ZGRF1: variants seen among roughly 807,000 people sequenced by gnomAD.
The protein encoded by ZGRF1 is 5'-3' DNA helicase ZGRF1.
Under a neutral mutation model 203.5 loss-of-function variants are expected in ZGRF1, and 196 were observed. The observed-to-expected ratio is 0.96, with a 90% CI of 0.86 to 1.08. ZGRF1 has a LOEUF of 1.08. Ranked by LOEUF, ZGRF1 falls within the 50% of genes least tolerant of loss-of-function variation. The pLI, the probability that ZGRF1 is intolerant of heterozygous loss-of-function variation, is 0.00. For missense variants in ZGRF1, 2,326 were observed against 2,416.3 expected (o/e 0.96, Z 0.78); for synonymous variants, 809 against 841.3 (o/e 0.96, Z 0.66).
At chr4:112,620,221 T>C in intron 4 of ZGRF1, 31 bp from the exon 5 acceptor site, 1 of 1,551,190 alleles carries the variant, frequency 6.4e-7, no homozygotes, top group Non-Finnish European at 8.8e-7. Context: ...ATCACATACA[T>C]CTAATTATTT....
At chr4:112,582,033 C>G (rs760979174) in intron 15 of ZGRF1, among the ~76,000 whole-genome samples, 3 of 151,982 alleles carry the variant, frequency 2.0e-5, no homozygotes, top group Non-Finnish European at 4.4e-5. Context: ...GATAGAACAC[C>G]TCGTGTGCTT....
At chr4:112,627,498 T>TAAA (rs1241006268) in intron 3 of ZGRF1, among the ~76,000 whole-genome samples, 3 of 152,180 alleles carry the variant, frequency 2.0e-5, no homozygotes, top group African/African-American at 7.2e-5. Context: ...CCCAGCACTT[T>TAAA]AAGAGGCCGA....
intron 16 of ZGRF1, 35 bp from the exon 17 acceptor site, chr4:112,563,309 C>A (rs1274786053): frequency 6.8e-7 from 1 of 1,474,218 alleles, no homozygotes; most frequent in Admixed American, 2.1e-5. Flanking sequence ...ATTACACAGA[C>A]ATATACAGTA....
rs1312902386 is a variant in ZGRF1 at position 112,612,523 on chromosome 4, C to T, written c.2667+1G>A. On this transcript the variant is annotated splice_donor_variant, in intron 7 of 27. Coordinates refer to ENST00000505019, the MANE Select transcript of ZGRF1 (RefSeq NM_018392.5). LOFTEE classifies it high-confidence loss of function. The stretch of plus-strand genomic sequence containing the variant: ...CATACTCTTAGAAAAAAAACCTGTA[C>T]CTGTTGAGAATCCTTGTGCAGATGA... The T allele has an allele frequency of 6.3e-7, 1 of 1,588,918 alleles. No individual in the cohort carries two copies. Among genetic ancestry groups the T allele is most frequent in the Non-Finnish European group, 8.6e-7 (1 of 1,162,198 alleles).
At chr4:112,631,026 C>T (rs1474193189) in intron 3 of ZGRF1, among the ~76,000 whole-genome samples, 1 of 152,182 alleles carries the variant, frequency 6.6e-6, no homozygotes, top group Non-Finnish European at 1.5e-5. Context: ...CTCTGTACCC[C>T]AGTTTCATCT....
chr4:112,623,694 C>T, intron 4 of ZGRF1, 123 bp downstream of exon 4: 1 of 611,080 alleles, frequency 1.6e-6, no homozygotes, highest in East Asian at 3.0e-5. Context: ...CAAAGTCTAG[C>T]TATAATGTTC....
At chr4:112,595,918 A>C (rs186752514) in intron 10 of ZGRF1, among the ~76,000 whole-genome samples, 106 of 152,336 alleles carry the variant, frequency 7.0e-4, no homozygotes, top group Non-Finnish European at 1.4e-3. Flanking sequence ...AATTTGATAA[A>C]AATACAGAAT....
chr4:112,573,167 TACACACACAC>T (rs145611842), intron 16 of ZGRF1, among the ~76,000 whole-genome samples: 12 of 145,510 alleles, frequency 8.2e-5, no homozygotes, highest in South Asian at 4.4e-4. Context: ...GAAATTGTGA[TACACACACAC>T]ACACACACAC....
At chr4:112,630,583 G>A (rs572401828) in intron 3 of ZGRF1, among the ~76,000 whole-genome samples, 242 of 152,220 alleles carry the variant, frequency 1.6e-3, no homozygotes, top group Middle Eastern at 3.4e-3. Flanking sequence ...CTTCATTCAG[G>A]AGGCCACAGA....
chr4:112,629,272 T>A (rs965302076), intron 3 of ZGRF1, among the ~76,000 whole-genome samples: 4 of 152,242 alleles, frequency 2.6e-5, no homozygotes, highest in African/African-American at 7.2e-5. Context: ...TAGAACTGGA[T>A]ATAGAGATAA....
At chr4:112,564,973 G>A in intron 16 of ZGRF1, 1 of 843,848 alleles carries the variant, frequency 1.2e-6, no homozygotes, top group Non-Finnish European at 2.1e-6. Context: ...AGGTAAGTAA[G>A]GAGGTCTCTG....
intron 12 of ZGRF1, 74 bp from the exon 13 acceptor site, chr4:112,586,657 A>G (rs1747247223): frequency 8.8e-7 from 1 of 1,130,838 alleles, no homozygotes; most frequent in Non-Finnish European, 1.2e-6. Flanking sequence ...ATTATTTTTC[A>G]TAGACATTTT....
chr4:112,575,672 G>A (rs1050661337), intron 16 of ZGRF1, among the ~76,000 whole-genome samples: 3 of 152,162 alleles, frequency 2.0e-5, no homozygotes, highest in Non-Finnish European at 2.9e-5. Flanking sequence ...ACGGAGCCTC[G>A]CTCATTGCTA....
chr4:112,634,284 T>C (rs2047506417), intron 1 of ZGRF1, among the ~76,000 whole-genome samples: 1 of 152,082 alleles, frequency 6.6e-6, no homozygotes, highest in Non-Finnish European at 1.5e-5. Context: ...TTGGTGTGGA[T>C]CATCAAACAA....
In ZGRF1 at chr4:112,618,887, A is replaced by G. The variant is rs771998938; in HGVS notation, c.1155T>C (p.Tyr385=). Residue 385 remains tyrosine, a synonymous_variant, in exon 6 of 28, where the codon TAT becomes TAC. Transcript: ENST00000505019. ...TATTACCGACTGACTGGTCTACATT[A>G]TACTTTTTCCTCTCTTCAGCATACG... ...VETYAEERKK[Y]NVDQSVGNND... The G allele has an allele frequency of 1.9e-6, 3 of 1,613,700 alleles. No individual in the cohort carries two copies. Among genetic ancestry groups the G allele is most frequent in the South Asian group, 2.2e-5 (2 of 91,074 alleles).
intron 16 of ZGRF1, chr4:112,565,031 A>T: frequency 9.7e-7 from 1 of 1,034,416 alleles, no homozygotes; most frequent in South Asian, 1.3e-5. Context: ...ACCGGTGGTA[A>T]ACCACCCAGG....
intron 10 of ZGRF1, among the ~76,000 whole-genome samples, chr4:112,590,565 C>T (rs1281516117): frequency 2.0e-5 from 3 of 151,938 alleles, no homozygotes; most frequent in Non-Finnish European, 4.4e-5. Context: ...TTACTTATAA[C>T]TTCATACTCT....
At chr4:112,598,946 G>A (rs949059116) in intron 10 of ZGRF1, among the ~76,000 whole-genome samples, 10 of 152,140 alleles carry the variant, frequency 6.6e-5, no homozygotes, top group Admixed American at 4.6e-4. Context: ...AGCTACTCAG[G>A]AGGCTAAGGT....
chr4:112,564,915 A>C, intron 16 of ZGRF1: 1 of 697,138 alleles, frequency 1.4e-6, no homozygotes, highest in African/African-American at 1.8e-5. Flanking sequence ...TCGCTCTCCA[A>C]CGCCAGCGCC....
Sources: gnomAD v4.1 joint callset for allele counts (sites outside exome capture counted in the v4.1 genomes callset) on GRCh38, gnomAD v4.1.1 for gene constraint, MANE v1.5 for transcripts, NCBI Gene and HGNC (gene_info 2026-07-23, HGNC 2026-07-21) for gene names.